Variants in GRIP2 observed in about 807,000 individuals in gnomAD.
GRIP2 encodes glutamate receptor interacting protein 2.
GRIP2 carries 58 observed loss-of-function variants against 108.3 expected under a neutral mutation model. The ratio of observed to expected loss-of-function variants is 0.54; its 90% CI spans 0.43 to 0.67. The LOEUF (loss-of-function observed/expected upper bound fraction) is 0.67. GRIP2 is among the 30% of genes least tolerant of loss of function. GRIP2 has a pLI of 0.00. For missense variants in GRIP2, 1,278 were observed against 1,430.6 expected, an observed-to-expected ratio of 0.89 and a Z score of 1.72; for synonymous variants, 586 against 598.2, an observed-to-expected ratio of 0.98 and a Z score of 0.30.
intron 20 of GRIP2, among the ~76,000 whole-genome samples, chr3:14,504,868 TA>T (rs1256537693): frequency 1.3e-5 from 2 of 152,104 alleles, no homozygotes; most frequent in African/African-American, 4.8e-5. Flanking sequence ...GAGCACCTAC[TA>T]GGGGCCACGC....
At chr3:14,515,263 A>G (rs1694218059) in intron 11 of GRIP2, among the ~76,000 whole-genome samples, 1 of 152,164 alleles carries the variant, frequency 6.6e-6, no homozygotes, top group African/African-American at 2.4e-5. Flanking sequence ...CGTTCCTTCC[A>G]CTATTTGGCT....
the GRIP2 span, among the ~76,000 whole-genome samples, chr3:14,575,073 A>G: frequency 6.6e-6 from 1 of 152,200 alleles, no homozygotes; most frequent in South Asian, 2.1e-4. Flanking sequence ...GTGATTGGAG[A>G]TGAGCCCATG....
rs764275258 is a variant in GRIP2, at chr3:14,496,485, G to A, written c.2755C>T (p.Arg919Trp). 1.4e-5 allele frequency: 22 copies of A among 1,596,036 alleles called. No individual in the cohort carries two copies. The East Asian group carries it at 2.3e-4, about 17-fold the overall frequency. Residue 919 changes from arginine (R) to tryptophan (W), a missense_variant, in exon 22 of 24, where the codon CGG becomes TGG. Arg to Trp is a moderately radical substitution (Grantham distance 101, BLOSUM62 -3). Coordinates refer to ENST00000621039, the MANE Select transcript of GRIP2 (RefSeq NM_001080423.4). ...TCTGCAGGAGAGGCTCGTACCTCCC[G>A]GCCCCTCTGCCAAGGCCGGTGGCCA... Reference protein sequence around the residue: ...RPGHRPWQRGREVRASPAEME... With the variant: ...RPGHRPWQRGWEVRASPAEME...
intron 16 of GRIP2, among the ~76,000 whole-genome samples, chr3:14,510,488 C>T (rs1459878532): frequency 1.3e-5 from 2 of 152,016 alleles, no homozygotes; most frequent in Non-Finnish European, 2.9e-5. Context: ...TGGTCTCGAA[C>T]TCCTGGGCTT....
intron 1 of GRIP2, among the ~76,000 whole-genome samples, chr3:14,538,871 C>T (rs1351736884): frequency 2.0e-5 from 3 of 152,158 alleles, no homozygotes; most frequent in South Asian, 2.1e-4. Flanking sequence ...GACCCTGGGC[C>T]GAGGTGGAGG....
chr3:14,597,800 G>A, the GRIP2 span, among the ~76,000 whole-genome samples: 1 of 152,058 alleles, frequency 6.6e-6, no homozygotes, highest in Non-Finnish European at 1.5e-5. Context: ...GGGGTTGCGG[G>A]GGGCAATTCT....
the GRIP2 span, among the ~76,000 whole-genome samples, chr3:14,577,870 C>A: frequency 6.6e-6 from 1 of 152,228 alleles, no homozygotes; most frequent in African/African-American, 2.4e-5. Flanking sequence ...ATGGTCCCCA[C>A]CTCAATGGGC....
chr3:14,572,752 A>G, the GRIP2 span: 1 of 546,506 alleles, frequency 1.8e-6, no homozygotes, highest in Non-Finnish European at 3.3e-6. Context: ...CAGTTCCCAC[A>G]TGGAGCAGGT....
intron 1 of GRIP2, among the ~76,000 whole-genome samples, chr3:14,547,976 A>G (rs1009783090): frequency 2.6e-5 from 4 of 152,236 alleles, no homozygotes; most frequent in Admixed American, 1.3e-4. Flanking sequence ...AAAAGGGACT[A>G]CATCCAAAGA....
At position 14,520,240 on chromosome 3, in the gene GRIP2, G is replaced by C; in HGVS notation, c.900C>G (p.Ile300Met). ...ALHPGDHILS[I>M]DGTSMEHCSL... ...AGCAGTGTTCCATGCTGGTGCCATC[G>C]ATGGACAGGATGTGGTCTCCAGGGT... Residue 300 changes from isoleucine to methionine, a missense_variant, in exon 9 of 24, where the codon ATC becomes ATG. Physicochemically the swap from Ile to Met is conservative, Grantham distance 10 (BLOSUM62 1). Transcript: ENST00000621039. 3.7e-6 allele frequency: 6 copies of C among 1,613,852 alleles called. No homozygotes were observed. The highest frequency in any genetic ancestry group is 5.1e-6 in the Non-Finnish European group (6 of 1,179,876).
chr3:14,580,992 G>C, the GRIP2 span, among the ~76,000 whole-genome samples: 1 of 139,940 alleles, frequency 7.1e-6, no homozygotes, highest in Non-Finnish European at 1.7e-5. Context: ...CTGCCCTGCA[G>C]ATTACTGACT....
At position 14,527,192 on chromosome 3, in the gene GRIP2, C is replaced by G. The variant is rs535779332; in HGVS notation, c.41-1261G>C. Among the ~76,000 whole-genome samples, 31 of 150,308 alleles carry G rather than the reference C, an allele frequency of 2.1e-4. No individual in the cohort carries two copies. The South Asian group carries it at 6.3e-3, about 31-fold the overall frequency. ...AGACTCTGAGACCCTCACTCTGTCT[C>G]GAAAAGAGAGAAAGACAGAGACAGA... is the stretch of plus-strand genomic sequence containing the variant. On this transcript the variant is annotated intron_variant, in intron 1 of 23. Transcript: ENST00000621039.
chr3:14,535,809 C>G (rs963670390), intron 1 of GRIP2, among the ~76,000 whole-genome samples: 10 of 152,222 alleles, frequency 6.6e-5, no homozygotes, highest in African/African-American at 2.2e-4. Context: ...CCTACTCCCC[C>G]ATCCATGCAA....
rs1021409255 is a variant in GRIP2 at position 14,524,548 on chromosome 3, G to A, written c.258-10C>T. 8 of 1,551,242 alleles carry A rather than the reference G, an allele frequency of 5.2e-6. No homozygotes were observed. The highest frequency in any genetic ancestry group is 7.0e-6 in the Non-Finnish European group (8 of 1,146,750). On this transcript the variant is annotated splice_polypyrimidine_tract_variant and intron_variant, in intron 3 of 23. Transcript: ENST00000621039. ...GTTCAGCAGATCACTCCTAGAGCAG[G>A]AAGGCCAGGGCACACATGGTAACAG...
intron 22 of GRIP2, among the ~76,000 whole-genome samples, chr3:14,495,651 C>T (rs1056964235): frequency 5.9e-5 from 9 of 152,068 alleles, no homozygotes; most frequent in African/African-American, 1.4e-4. Flanking sequence ...GTGATCCACC[C>T]ACCTCAGCCT....
chr3:14,504,309 GT>G (rs35560980), intron 20 of GRIP2, among the ~76,000 whole-genome samples: 18,922 of 121,434 alleles, frequency 0.16, 604 homozygotes, highest in African/African-American at 0.19. Flanking sequence ...GCACTTGCTT[GT>G]TTTTTTTTTT....
upstream of GRIP2, among the ~76,000 whole-genome samples, chr3:14,542,658 C>T (rs1291417668): frequency 6.6e-6 from 1 of 152,196 alleles, no homozygotes; most frequent in Non-Finnish European, 1.5e-5. Context: ...GCTTCTGTGG[C>T]GTTTCTCTGA....
At chr3:14,563,034 G>C in the GRIP2 span, among the ~76,000 whole-genome samples, 1 of 152,176 alleles carries the variant, frequency 6.6e-6, no homozygotes, top group African/African-American at 2.4e-5. Flanking sequence ...GGAGGGAAAA[G>C]GGACTGTTAC....
chr3:14,509,787 CCCA>C, intron 17 of GRIP2, 30 bp downstream of exon 17: 1 of 1,409,900 alleles, frequency 7.1e-7, no homozygotes, highest in Non-Finnish European at 9.3e-7. Context: ...GTTCCCTGAG[CCCA>C]CCATGCGTCC....
Sources: allele counts gnomAD v4.1 joint callset (sites outside exome capture counted in the v4.1 genomes callset), GRCh38; gene constraint gnomAD v4.1.1; transcripts MANE v1.5; gene names NCBI Gene and HGNC (gene_info 2026-07-23, HGNC 2026-07-21).